The following ITPKB variants were observed in gnomAD, a reference collection of about 807,000 sequenced individuals.
The protein encoded by ITPKB is inositol-trisphosphate 3-kinase B.
A neutral mutation model predicts 69.4 loss-of-function variants in ITPKB; 13 were observed. That is an observed-to-expected ratio of 0.19 (90% CI 0.12 to 0.30). The LOEUF (loss-of-function observed/expected upper bound fraction) is 0.30, where lower values mean the gene tolerates loss of function less well. ITPKB is among the 10% of genes least tolerant of loss of function. The probability of loss-of-function intolerance (pLI) is 1.00; values close to 1 mark genes in which losing one functional copy is unlikely to be tolerated. For missense variants in ITPKB, 1,240 were observed against 1,250.5 expected (o/e 0.99, Z 0.13); for synonymous variants, 584 against 513.7 (o/e 1.14, Z -1.85).
In ITPKB at chr1:226,737,097, G is replaced by C. The variant is rs750473642; in HGVS notation, c.362C>G (p.Pro121Arg). 1.9e-6 allele frequency: 3 copies of C among 1,607,896 alleles called. No individual in the cohort carries two copies. The South Asian group carries it at 3.3e-5, about 18-fold the overall frequency. ...CCTCTTGGCCTCCTCCGGCCCTGGC[G>C]GGGAGAGGGTACCGGCTGCCACCAC... ...QQVVAAGTLS[P>R]PGPEEAKRKL... The change falls in exon 2 of 8, where the codon CCG (proline) becomes CGG (arginine). Residue 121 changes from proline to arginine, a missense_variant. Pro to Arg is a moderately radical substitution (Grantham distance 103). Transcript: ENST00000429204.
intron 2 of ITPKB, among the ~76,000 whole-genome samples, chr1:226,677,096 C>T (rs373727951): frequency 6.6e-6 from 1 of 152,186 alleles, no homozygotes; most frequent in South Asian, 2.1e-4. Flanking sequence ...AAACGCCGTC[C>T]TAAGATCTTG....
chr1:226,662,816 A>G (rs1669424598), intron 2 of ITPKB, among the ~76,000 whole-genome samples: 1 of 152,268 alleles, frequency 6.6e-6, no homozygotes. Context: ...AATGGCACTC[A>G]GCAAGTGAGA....
At position 226,678,720 on chromosome 1, in the gene ITPKB, A is replaced by G. The variant is rs550548368; in HGVS notation, c.1933-29949T>C. Among the ~76,000 whole-genome samples, 3 of 152,322 alleles carry G rather than the reference A, an allele frequency of 2.0e-5. No homozygotes were observed. In the South Asian group the frequency reaches 6.2e-4, roughly 32 times the overall value. On this transcript the variant is annotated intron_variant, in intron 2 of 7. Transcript: ENST00000429204. The stretch of plus-strand genomic sequence containing the variant: ...AGGGAGAATTATCTATTCCAAAAGG[A>G]GCCAGGACTGGGATAAGGCTTTGGT...
chr1:226,712,235 T>C (rs1430046945), intron 2 of ITPKB, among the ~76,000 whole-genome samples: 2 of 152,212 alleles, frequency 1.3e-5, no homozygotes, highest in Non-Finnish European at 2.9e-5. Flanking sequence ...CCCCTCTCTC[T>C]GAGTCCTGCT....
chr1:226,681,537 A>G (rs1181022370), intron 2 of ITPKB, among the ~76,000 whole-genome samples: 4 of 152,222 alleles, frequency 2.6e-5, no homozygotes, highest in African/African-American at 7.2e-5. Flanking sequence ...GGATTTCCCT[A>G]TGCCAGGCTG....
intron 2 of ITPKB, among the ~76,000 whole-genome samples, chr1:226,649,229 G>A (rs1214881458): frequency 1.3e-5 from 2 of 152,166 alleles, no homozygotes; most frequent in African/African-American, 2.4e-5. Context: ...ACCGCGCTCC[G>A]CCCTCTCAGG....
intron 7 of ITPKB, among the ~76,000 whole-genome samples, chr1:226,635,394 G>GT (rs1014489224): frequency 3.3e-5 from 5 of 152,060 alleles, no homozygotes; most frequent in African/African-American, 1.2e-4. Flanking sequence ...CTAACTTTTT[G>GT]TTTTTTATTT....
intron 6 of ITPKB, among the ~76,000 whole-genome samples, chr1:226,638,178 C>G (rs1196471790): frequency 6.6e-6 from 1 of 152,196 alleles, no homozygotes; most frequent in African/African-American, 2.4e-5. Context: ...CCGAGCAGCC[C>G]CCTGGAGTCT....
chr1:226,718,548 C>T (rs1657151988), intron 2 of ITPKB, among the ~76,000 whole-genome samples: 1 of 152,092 alleles, frequency 6.6e-6, no homozygotes, highest in Non-Finnish European at 1.5e-5. Flanking sequence ...CTGCAGTGAG[C>T]CATGATTGCC....
Position 226,642,756 on chromosome 1 carries a change from G to T in ITPKB, c.2247-631C>A, listed in dbSNP as rs1457998874. On this transcript the variant is annotated intron_variant, in intron 4 of 7. Coordinates refer to ENST00000429204, the MANE Select transcript of ITPKB (RefSeq NM_002221.4). This position sits in a 1 kb window ranked among gnomAD's most constrained non-coding sequence, Gnocchi z 6.4. ...GGCTGCCTCGGCCCTTCCATAAAGC[G>T]AGGGCTTCCAAAGCCAGAACCTGTC... Among the ~76,000 whole-genome samples, 1 of 152,120 alleles carries T rather than the reference G, an allele frequency of 6.6e-6. No homozygotes were observed. Among genetic ancestry groups the T allele is most frequent in the Non-Finnish European group, 1.5e-5 (1 of 68,016 alleles).
Position 226,648,735 on chromosome 1 carries a change from A to G in ITPKB, c.1969T>C (p.Trp657Arg). ...TTGAAGGACATGACGAAGGGAGACC[A>G]GTGCACCATGTTTTTTATCTTCCTC... ...SWRKIKNMVHWSPFVMSFKKK... is the reference protein window; with the variant it reads ...SWRKIKNMVHRSPFVMSFKKK... Residue 657 changes from tryptophan (W) to arginine (R), a missense_variant, in exon 3 of 8, where the codon TGG becomes CGG. Transcript: ENST00000429204. 1 of 1,611,020 alleles carries G rather than the reference A, an allele frequency of 6.2e-7. No homozygotes were observed. The highest frequency in any genetic ancestry group is 8.5e-7 in the Non-Finnish European group (1 of 1,177,150).
chr1:226,657,923 G>C (rs933204615), intron 2 of ITPKB, among the ~76,000 whole-genome samples: 2 of 152,164 alleles, frequency 1.3e-5, no homozygotes, highest in African/African-American at 4.8e-5. Flanking sequence ...TTTCAGATGG[G>C]GGAGGCCTGA....
chr1:226,657,450 T>C (rs1669314769), intron 2 of ITPKB, among the ~76,000 whole-genome samples: 1 of 152,240 alleles, frequency 6.6e-6, no homozygotes, highest in Non-Finnish European at 1.5e-5. Flanking sequence ...ACTTGGCTTT[T>C]ATCTTTAGAT....
chr1:226,710,866 A>G (rs1335537788), intron 2 of ITPKB, among the ~76,000 whole-genome samples: 1 of 152,234 alleles, frequency 6.6e-6, no homozygotes, highest in African/African-American at 2.4e-5. Context: ...GAAGGAAGTC[A>G]GGTGGGACTG....
At chr1:226,647,999 T>C (rs892189447) in intron 3 of ITPKB, among the ~76,000 whole-genome samples, 1 of 152,214 alleles carries the variant, frequency 6.6e-6, no homozygotes, top group Non-Finnish European at 1.5e-5. Flanking sequence ...GAAGGCCAAG[T>C]CCACAGGCAG....
At chr1:226,649,326 AGT>A (rs1231155398) in intron 2 of ITPKB, among the ~76,000 whole-genome samples, 2 of 138,534 alleles carry the variant, frequency 1.4e-5, no homozygotes, top group South Asian at 2.3e-4. Context: ...TGTGTGCATG[AGT>A]GTGTGCGTAT....
chr1:226,692,906 A>G (rs1656391193), intron 2 of ITPKB, among the ~76,000 whole-genome samples: 1 of 152,240 alleles, frequency 6.6e-6, no homozygotes, highest in African/African-American at 2.4e-5. Flanking sequence ...ACAAGAGCCA[A>G]CAATCAGCAG....
At chr1:226,696,500 A>C (rs1656490375) in intron 2 of ITPKB, among the ~76,000 whole-genome samples, 1 of 152,160 alleles carries the variant, frequency 6.6e-6, no homozygotes, top group Non-Finnish European at 1.5e-5. Flanking sequence ...TTAGAGACGA[A>C]ATGGCACATG....
Position 226,736,941 on chromosome 1 carries a change from C to T in ITPKB, c.518G>A (p.Arg173His), listed in dbSNP as rs3754415. The stretch of plus-strand genomic sequence containing the variant: ...GCGGAAGGGGCACGGGGAGGGCGAG[C>T]GAGCCCTGCCCAAACGCGGGCTGCG... ...APRSPRLGRA[R>H]SPSPCPFRSS... is the part of the protein sequence containing the mutation. Residue 173 changes from arginine to histidine, a missense_variant, in exon 2 of 8, where the codon CGC becomes CAC. Physicochemically the swap from Arg to His is conservative, Grantham distance 29. Coordinates refer to ENST00000429204, the MANE Select transcript of ITPKB (RefSeq NM_002221.4). The T allele has an allele frequency of 0.19, 302,785 of 1,610,942 alleles. 29,863 individuals carry two copies. The highest frequency in any genetic ancestry group is 0.33 in the East Asian group (14,919 of 44,852).
Sources: allele counts gnomAD v4.1 joint callset (sites outside exome capture counted in the v4.1 genomes callset), GRCh38; gene constraint gnomAD v4.1.1; non-coding constraint Gnocchi (gnomAD v3.1); transcripts MANE v1.5; gene names NCBI Gene and HGNC (gene_info 2026-07-23, HGNC 2026-07-21).